The following ZNF195 variants were observed in gnomAD, a reference collection of about 807,000 sequenced individuals.
ZNF195 encodes zinc finger protein 195.
A neutral mutation model predicts 19.5 loss-of-function variants in ZNF195; 11 were observed. That is an observed-to-expected ratio of 0.57 (90% CI 0.36 to 0.94). The LOEUF (loss-of-function observed/expected upper bound fraction) is 0.94. ZNF195 is among the 40% of genes least tolerant of loss of function. ZNF195 has a pLI of 0.01. For missense variants in ZNF195, 582 were observed against 709.0 expected (o/e 0.82, Z 2.03); for synonymous variants, 214 against 248.1 (o/e 0.86, Z 1.29).
chr11:3,377,538 G>T (rs1452190332), intron 1 of ZNF195: 4 of 1,016,356 alleles, frequency 3.9e-6, no homozygotes, highest in Non-Finnish European at 4.8e-6. Context: ...AGGGGCATGT[G>T]ATTGGCTGAT....
chr11:3,372,379 G>A (rs1379449858), intron 1 of ZNF195, among the ~76,000 whole-genome samples: 1 of 152,274 alleles, frequency 6.6e-6, no homozygotes, highest in East Asian at 1.9e-4. Context: ...AATCTGTCAG[G>A]GAGCTCTTTA....
chr11:3,371,267 G>T, intron 2 of ZNF195, 197 bp from the exon 3 acceptor site: 1 of 659,638 alleles, frequency 1.5e-6, no homozygotes, highest in Non-Finnish European at 2.5e-6. Context: ...CAGTACTGCT[G>T]ACATAAAAAA....
chr11:3,376,996 T>C (rs1379369356), intron 1 of ZNF195, among the ~76,000 whole-genome samples: 9 of 152,208 alleles, frequency 5.9e-5, no homozygotes, highest in Non-Finnish European at 2.9e-5. Context: ...AGCTAAGCCC[T>C]GGGATTCTGT....
chr11:3,370,053 G>T (rs180751192), intron 3 of ZNF195, among the ~76,000 whole-genome samples: 13 of 151,982 alleles, frequency 8.6e-5, no homozygotes, highest in Non-Finnish European at 1.8e-4. Context: ...CTGTATATAT[G>T]TGTGTGTATA....
chr11:3,378,097 G>A (rs2412170), intron 1 of ZNF195, among the ~76,000 whole-genome samples: 96,510 of 151,872 alleles, frequency 0.64, 31,324 homozygotes, highest in Middle Eastern at 0.73. Context: ...ATCACATGAG[G>A]TCAGGAGTTC....
chr11:3,368,785 A>G (rs1849032457), intron 3 of ZNF195: 1 of 454,180 alleles, frequency 2.2e-6, no homozygotes, highest in African/African-American at 2.0e-5. Context: ...ATGCATATCC[A>G]CTTAACTAAT....
At chr11:3,362,421 A>C (rs1231501433) in intron 3 of ZNF195, 2 of 344,674 alleles carry the variant, frequency 5.8e-6, no homozygotes, top group African/African-American at 4.2e-5. Flanking sequence ...AATAATCATA[A>C]ATAACTGTTA....
chr11:3,373,974 C>CAAGGT (rs1849335302), intron 1 of ZNF195, among the ~76,000 whole-genome samples: 3 of 152,212 alleles, frequency 2.0e-5, no homozygotes, highest in Admixed American at 6.5e-5. Flanking sequence ...CTGAGCTCAA[C>CAAGGT]TCGTACAAAT....
intron 1 of ZNF195, chr11:3,375,790 G>C (rs965924551): frequency 2.6e-5 from 4 of 152,196 alleles, no homozygotes; most frequent in African/African-American, 9.7e-5. Context: ...TCTCTGAGGG[G>C]AGGAACAAAC....
chr11:3,360,696 A>G (rs1245723332), intron 5 of ZNF195, 24 bp downstream of exon 5: 1 of 1,549,642 alleles, frequency 6.5e-7, no homozygotes, highest in Admixed American at 2.0e-5. Context: ...TAATTTCTGT[A>G]TAAACATATA....
intron 3 of ZNF195, chr11:3,368,865 C>G (rs1248641235): frequency 2.2e-6 from 1 of 455,264 alleles, no homozygotes; most frequent in South Asian, 1.6e-5. Flanking sequence ...CCTGGAGAAA[C>G]AGAATACCCG....
chr11:3,359,472 AT>A lies in ZNF195; in HGVS notation c.1535del (p.His512LeufsTer110). ...IFKQLSDLTK[H>X]KKTHTGEKPY... ...GCTTCTCTCCAGTATGGGTTTTCTT[AT>A]GCTTAGTGAGGTCTGATAACTGCTT... is the stretch of plus-strand genomic sequence containing the variant. On this transcript the variant is annotated frameshift_variant, in exon 6 of 6. Transcript: ENST00000399602. LOFTEE classifies it low-confidence loss of function (END_TRUNC). The surrounding 1 kb of genome is among the most constrained non-coding windows in gnomAD (Gnocchi z 5.5). The A allele has an allele frequency of 6.2e-7, 1 of 1,614,100 alleles. No individual in the cohort carries two copies. The highest frequency in any genetic ancestry group is 2.2e-5 in the East Asian group (1 of 44,872).
intron 1 of ZNF195, chr11:3,373,619 G>A: frequency 6.5e-7 from 1 of 1,550,326 alleles, no homozygotes; most frequent in Non-Finnish European, 8.7e-7. Context: ...GCTTCTCTGG[G>A]ATTTCCTCTT....
intron 1 of ZNF195, chr11:3,377,931 A>G: frequency 1.0e-6 from 1 of 984,804 alleles, no homozygotes. Flanking sequence ...GAGAGGCACA[A>G]AGACTTTTTA....
chr11:3,367,287 ATAT>A (rs1055082724), intron 3 of ZNF195, among the ~76,000 whole-genome samples: 1 of 152,040 alleles, frequency 6.6e-6, no homozygotes, highest in African/African-American at 2.4e-5. Flanking sequence ...CATACAAGGA[ATAT>A]TATTCAACCA....
chr11:3,364,091 CA>C lies in ZNF195; in HGVS notation c.227-2203del, dbSNP rs1384765273. ...CTAGAATAATTTCACTTCAAAAGAACAGGGGGAAAATAAAGACTTTCCAAAA... is the reference window on the plus strand; with the variant it reads ...CTAGAATAATTTCACTTCAAAAGAACGGGGGAAAATAAAGACTTTCCAAAA... On this transcript the variant is annotated intron_variant, in intron 3 of 5. Transcript: ENST00000399602. 2.7e-5 allele frequency among the ~76,000 whole-genome samples: 4 copies of C among 149,922 alleles called. No homozygotes were observed. The East Asian group carries it at 6.1e-4, about 23-fold the overall frequency.
chr11:3,366,041 A>G, intron 3 of ZNF195, among the ~76,000 whole-genome samples: 2 of 151,866 alleles, frequency 1.3e-5, no homozygotes, highest in Non-Finnish European at 2.9e-5. Context: ...GTGGATCACG[A>G]GGTCAGGAGA....
intron 3 of ZNF195, chr11:3,367,063 T>TCAA (rs1564920432): frequency 7.2e-5 from 10 of 138,152 alleles, no homozygotes; most frequent in African/African-American, 5.1e-4. Context: ...AAACTCTGTG[T>TCAA]AAAAAAAAAA....
chr11:3,369,139 C>A (rs890612285), intron 3 of ZNF195: 12 of 275,272 alleles, frequency 4.4e-5, no homozygotes, highest in African/African-American at 2.4e-4. Context: ...TGGCTAATAT[C>A]AAAAATAAGT....
Sources: gnomAD v4.1 joint callset for allele counts (sites outside exome capture counted in the v4.1 genomes callset) on GRCh38, gnomAD v4.1.1 for gene constraint, Gnocchi (gnomAD v3.1) non-coding constraint, MANE v1.5 for transcripts, NCBI Gene and HGNC (gene_info 2026-07-23, HGNC 2026-07-21) for gene names.